Variants in CDKL3 observed in about 807,000 individuals in gnomAD.
CDKL3 encodes cyclin dependent kinase like 3, also known as cyclin-dependent kinase-like 3.
In CDKL3, 65 loss-of-function variants were observed where a neutral mutation model predicts 69.3. The observed-to-expected ratio is 0.94, with a 90% CI of 0.77 to 1.15. The LOEUF is 1.15. CDKL3 is among the 50% of genes most tolerant of loss of function. The pLI, the probability that CDKL3 is intolerant of heterozygous loss-of-function variation, is 0.00. For synonymous variants in CDKL3, 202 were observed against 221.6 expected, an observed-to-expected ratio of 0.91 and a Z score of 0.79; for missense variants, 652 against 689.2, an observed-to-expected ratio of 0.95 and a Z score of 0.61.
intron 4 of CDKL3, among the ~76,000 whole-genome samples, chr5:134,344,442 A>C (rs1227542487): frequency 5.9e-5 from 9 of 152,222 alleles, no homozygotes; most frequent in African/African-American, 2.2e-4. Flanking sequence ...CTTACAACTC[A>C]ATAATAAAAA....
chr5:134,284,835 T>TA (rs1480205350), downstream of CDKL3, among the ~76,000 whole-genome samples: 1 of 152,240 alleles, frequency 6.6e-6, no homozygotes, highest in Non-Finnish European at 1.5e-5. Context: ...ACCTTATGGT[T>TA]ATCTCCCTTG....
At chr5:134,363,350 G>A (rs1756516977) in intron 2 of CDKL3, among the ~76,000 whole-genome samples, 1 of 151,874 alleles carries the variant, frequency 6.6e-6, no homozygotes, top group South Asian at 2.1e-4. Flanking sequence ...CTGGAGTGCA[G>A]TGGCGTGGTC....
intron 3 of CDKL3, among the ~76,000 whole-genome samples, chr5:134,351,084 T>A (rs752993654): frequency 6.6e-6 from 1 of 152,160 alleles, no homozygotes; most frequent in African/African-American, 2.4e-5. Flanking sequence ...TTTTCCTACA[T>A]CCAGTAGCCA....
At chr5:134,348,094 A>G (rs1752388610) in intron 4 of CDKL3, among the ~76,000 whole-genome samples, 1 of 152,180 alleles carries the variant, frequency 6.6e-6, no homozygotes, top group Middle Eastern at 3.2e-3. Flanking sequence ...CTTCTTTAAA[A>G]TGCAAGGAAA....
intron 3 of CDKL3, among the ~76,000 whole-genome samples, chr5:134,358,567 A>AGG (rs1755198599): frequency 6.6e-6 from 1 of 151,380 alleles, no homozygotes; most frequent in African/African-American, 2.4e-5. Context: ...AACTATTAAT[A>AGG]TTCCTCACTC....
downstream of CDKL3, among the ~76,000 whole-genome samples, chr5:134,284,973 C>T (rs1764795534): frequency 6.6e-6 from 1 of 152,212 alleles, no homozygotes; most frequent in Non-Finnish European, 1.5e-5. Context: ...CGACATACAT[C>T]CTCAGCTTAC....
intron 6 of CDKL3, 80 bp downstream of exon 6, chr5:134,319,278 C>T (rs1561543456): frequency 3.1e-5 from 34 of 1,087,326 alleles, no homozygotes; most frequent in African/African-American, 5.0e-5. Context: ...TGCAGTGAGC[C>T]GAGATCACTC....
Position 134,366,449 on chromosome 5 carries a change from A to T in CDKL3, c.75T>A (p.Asn25Lys). 1 of 1,608,556 alleles carries T rather than the reference A, an allele frequency of 6.2e-7. No homozygotes were observed. The highest frequency in any genetic ancestry group is 8.5e-7 in the Non-Finnish European group (1 of 1,177,164). ...YGTVMKCKHK[N>K]TGQIVAIKIF... ...TCTTAATGGCCACTATCTGCCCAGT[A>T]TTCTTATGTTTACATTTCATGACTG... is the stretch of plus-strand genomic sequence containing the variant. The change falls in exon 2 of 13, where the codon AAT becomes AAA. Residue 25 changes from asparagine (N) to lysine (K), a missense_variant. Coordinates refer to ENST00000265334, the MANE Select transcript of CDKL3 (RefSeq NM_001113575.2).
At chr5:134,366,805 T>C (rs1389175340) in intron 1 of CDKL3, among the ~76,000 whole-genome samples, 172 bp downstream of exon 1, 1 of 151,950 alleles carries the variant, frequency 6.6e-6, no homozygotes, top group Non-Finnish European at 1.5e-5. Context: ...ACACTGAGAC[T>C]ACCACACTAT....
chr5:134,304,988 C>T (rs945408318), intron 10 of CDKL3, among the ~76,000 whole-genome samples: 3 of 151,356 alleles, frequency 2.0e-5, no homozygotes, highest in African/African-American at 7.3e-5. Flanking sequence ...TTAAATTTTT[C>T]GTAGAGATGG....
chr5:134,301,941 C>T (rs1467339297), intron 12 of CDKL3, among the ~76,000 whole-genome samples: 1 of 152,092 alleles, frequency 6.6e-6, no homozygotes, highest in Non-Finnish European at 1.5e-5. Context: ...TGATAAATCA[C>T]ATACAGAGAT....
chr5:134,331,128 A>C (rs1775680169), intron 4 of CDKL3, among the ~76,000 whole-genome samples: 1 of 152,176 alleles, frequency 6.6e-6, no homozygotes. Flanking sequence ...AGCTGAACCA[A>C]CTGAGATGTC....
At chr5:134,357,820 G>A (rs914718580) in intron 3 of CDKL3, among the ~76,000 whole-genome samples, 2 of 152,120 alleles carry the variant, frequency 1.3e-5, no homozygotes, top group Admixed American at 6.6e-5. Context: ...TGTCACAACA[G>A]CTACCTGTCT....
chr5:134,283,821 AAAGC>A (rs1043475529), downstream of CDKL3, among the ~76,000 whole-genome samples: 21 of 152,272 alleles, frequency 1.4e-4, no homozygotes, highest in Admixed American at 1.3e-3. Flanking sequence ...TATAAAATCA[AAAGC>A]AAGTTATTTA....
In CDKL3 at chr5:134,352,367, C is replaced by T. The variant is rs149846012; in HGVS notation, c.361-1940G>A. 9.8e-3 allele frequency among the ~76,000 whole-genome samples: 1,466 copies of T among 150,076 alleles called. 13 individuals carry two copies. Among genetic ancestry groups the T allele is most frequent in the African/African-American group, 0.032 (1,301 of 40,798 alleles). Reference sequence around the variant, plus strand: ...CCAGGCTAGAGTGCAGTGGCACGATCGCAGCTCACTGCAACCTCTGACTCC... The same window carrying T: ...CCAGGCTAGAGTGCAGTGGCACGATTGCAGCTCACTGCAACCTCTGACTCC... On this transcript the variant is annotated intron_variant, in intron 3 of 12. Transcript: ENST00000265334.
intron 4 of CDKL3, among the ~76,000 whole-genome samples, chr5:134,346,012 T>G (rs931351821): frequency 1.3e-5 from 2 of 152,202 alleles, no homozygotes; most frequent in Non-Finnish European, 2.9e-5. Context: ...GACCTTCTCC[T>G]GCTCTCCTTT....
intron 7 of CDKL3, among the ~76,000 whole-genome samples, chr5:134,311,611 A>C (rs1769539883): frequency 6.6e-6 from 1 of 152,154 alleles, no homozygotes; most frequent in Admixed American, 6.5e-5. Context: ...AAGAGGAAAA[A>C]CCAGACTATT....
chr5:134,308,075 T>C (rs1768370632), intron 9 of CDKL3, 63 bp downstream of exon 9: 2 of 1,503,614 alleles, frequency 1.3e-6, no homozygotes, highest in African/African-American at 2.8e-5. Context: ...TGAACACGAT[T>C]CTTTGAAATA....
downstream of CDKL3, among the ~76,000 whole-genome samples, chr5:134,283,860 G>A (rs1304543536): frequency 6.6e-6 from 1 of 152,140 alleles, no homozygotes; most frequent in African/African-American, 2.4e-5. Context: ...TGGAGGTACA[G>A]GCATTGGATA....
Sources: gnomAD v4.1 joint callset for allele counts (sites outside exome capture counted in the v4.1 genomes callset) on GRCh38, gnomAD v4.1.1 for gene constraint, MANE v1.5 for transcripts, NCBI Gene and HGNC (gene_info 2026-07-23, HGNC 2026-07-21) for gene names.